PTBP3: variants seen among roughly 807,000 people sequenced by gnomAD.
PTBP3 encodes polypyrimidine tract binding protein 3, also known as polypyrimidine tract-binding protein 3.
In PTBP3, 20 loss-of-function variants were observed where a neutral mutation model predicts 58.7. The ratio of observed to expected loss-of-function variants is 0.34; its 90% CI spans 0.24 to 0.50. The LOEUF is 0.50. Ranked by LOEUF, PTBP3 falls within the 20% of genes least tolerant of loss-of-function variation. The pLI is 0.98. For missense variants in PTBP3, 509 were observed against 637.2 expected, an observed-to-expected ratio of 0.80 and a Z score of 2.17; for synonymous variants, 185 against 219.8, an observed-to-expected ratio of 0.84 and a Z score of 1.40.
At chr9:112,236,417 G>A (rs1835440019) in intron 7 of PTBP3, among the ~76,000 whole-genome samples, 1 of 152,036 alleles carries the variant, frequency 6.6e-6, no homozygotes, top group Admixed American at 6.6e-5. Flanking sequence ...TTACACACAA[G>A]CAAGCTCAAG....
In PTBP3 at chr9:112,222,184, C is replaced by G. The variant is rs914388625; in HGVS notation, c.*1667G>C. On this transcript the variant is annotated 3_prime_UTR_variant, in exon 14 of 14. Coordinates refer to ENST00000374257, the MANE Select transcript of PTBP3 (RefSeq NM_001163788.4). ...GTAAAAGGGGTAGACAAAAAAATGA[C>G]CCTTTTGACAAATTCTGCTTTAAAA... 1.0e-6 allele frequency: 1 copy of G among 985,266 alleles called. No homozygotes were observed. The highest frequency in any genetic ancestry group is 1.2e-6 in the Non-Finnish European group (1 of 829,428). The allele number at this position is 985,266 out of a possible 1,614,324, so 61.0% of individuals were successfully genotyped here.
At chr9:112,270,048 G>T (rs940741630) in intron 3 of PTBP3, among the ~76,000 whole-genome samples, 1 of 151,200 alleles carries the variant, frequency 6.6e-6, no homozygotes, top group African/African-American at 2.4e-5. Context: ...GGGTTCAAAT[G>T]ATTCTCCTGC....
intron 7 of PTBP3, among the ~76,000 whole-genome samples, chr9:112,249,552 A>G (rs910936825): frequency 2.0e-5 from 3 of 152,120 alleles, no homozygotes; most frequent in African/African-American, 4.8e-5. Context: ...CACAATATAT[A>G]AAGTGCATTG....
chr9:112,375,840 C>T, the PTBP3 span, among the ~76,000 whole-genome samples: 2 of 152,086 alleles, frequency 1.3e-5, no homozygotes, highest in East Asian at 1.9e-4. Flanking sequence ...CATAGTCAAA[C>T]GTTCAGTTTC....
the PTBP3 span, among the ~76,000 whole-genome samples, chr9:112,344,736 GA>G: frequency 7.8e-3 from 1,186 of 152,152 alleles, 20 homozygotes; most frequent in African/African-American, 0.027. Flanking sequence ...TAATGCAAAA[GA>G]AAAAAATTAA....
intron 1 of PTBP3, among the ~76,000 whole-genome samples, chr9:112,331,241 T>C (rs912861540): frequency 5.3e-5 from 8 of 152,062 alleles, no homozygotes; most frequent in African/African-American, 1.9e-4. Flanking sequence ...TGTTGGAAAA[T>C]GTAGAAATTT....
At chr9:112,235,024 T>G in intron 7 of PTBP3, 127 bp from the exon 8 acceptor site, 1 of 714,870 alleles carries the variant, frequency 1.4e-6, no homozygotes, top group Non-Finnish European at 2.2e-6. Context: ...AAAGATCTGT[T>G]CAACAAGTGA....
chr9:112,277,805 G>A (rs889386852), intron 2 of PTBP3, among the ~76,000 whole-genome samples: 2 of 151,962 alleles, frequency 1.3e-5, no homozygotes. Flanking sequence ...GAACCCAGGA[G>A]GAGGAGACTG....
chr9:112,260,300 A>G (rs1836541059), intron 5 of PTBP3, among the ~76,000 whole-genome samples: 1 of 152,258 alleles, frequency 6.6e-6, no homozygotes, highest in Admixed American at 6.5e-5. Flanking sequence ...ATAAAAAATG[A>G]GAGAGAACAT....
At chr9:112,224,281 C>A (rs1297433805) in intron 12 of PTBP3, 71 bp from the exon 13 acceptor site, 6 of 909,448 alleles carry the variant, frequency 6.6e-6, no homozygotes, top group South Asian at 1.9e-5. Flanking sequence ...CTCTTGCAAT[C>A]ATCAAATCTC....
chr9:112,376,156 GATATATATAT>G, the PTBP3 span, among the ~76,000 whole-genome samples: 2 of 116,814 alleles, frequency 1.7e-5, no homozygotes, highest in South Asian at 2.8e-4. Context: ...TTCTCTAGAG[GATATATATAT>G]ATATATATAT....
At position 112,283,820 on chromosome 9, in the gene PTBP3, G is replaced by A. The variant is rs370275569; in HGVS notation, c.35-7807C>T. ...GGCCTGGGCCCTGCTGCTCTGTGCAGCCTTGGAACTTGGTGCCCTGCATCC... is the reference window on the plus strand; with the variant it reads ...GGCCTGGGCCCTGCTGCTCTGTGCAACCTTGGAACTTGGTGCCCTGCATCC... On this transcript the variant is annotated intron_variant, in intron 2 of 13. Transcript: ENST00000374257. 9.8e-4 allele frequency among the ~76,000 whole-genome samples: 150 copies of A among 152,328 alleles called. 1 individual carries two copies. The highest frequency in any genetic ancestry group is 3.3e-3 in the African/African-American group (138 of 41,574).
chr9:112,238,036 C>T (rs1835501796), intron 7 of PTBP3, among the ~76,000 whole-genome samples: 1 of 152,112 alleles, frequency 6.6e-6, no homozygotes, highest in African/African-American at 2.4e-5. Flanking sequence ...GGAACAAACA[C>T]CTTAATCCTG....
At chr9:112,378,949 G>A in the PTBP3 span, among the ~76,000 whole-genome samples, 1 of 152,334 alleles carries the variant, frequency 6.6e-6, no homozygotes, top group East Asian at 1.9e-4. Context: ...CACTTTGGAA[G>A]GCCGAGGCGG....
At chr9:112,247,853 C>T (rs936181169) in intron 7 of PTBP3, among the ~76,000 whole-genome samples, 2 of 152,046 alleles carry the variant, frequency 1.3e-5, no homozygotes, top group Non-Finnish European at 2.9e-5. Flanking sequence ...ATCATATCTG[C>T]AACTTACTCA....
intron 1 of PTBP3, among the ~76,000 whole-genome samples, chr9:112,316,741 T>C (rs1030503580): frequency 4.8e-5 from 7 of 144,374 alleles, no homozygotes; most frequent in Non-Finnish European, 9.1e-5. Flanking sequence ...GTGAGTTAAT[T>C]AATCATTTAA....
chr9:112,314,251 T>C (rs979329724), intron 1 of PTBP3, among the ~76,000 whole-genome samples: 6 of 152,166 alleles, frequency 3.9e-5, no homozygotes, highest in Non-Finnish European at 8.8e-5. Flanking sequence ...AATGGCTACA[T>C]TAACATTAGA....
Position 112,219,327 on chromosome 9 carries a change from C to T in PTBP3, c.*4524G>A, listed in dbSNP as rs548522014. ...GGCCAGAGTATGATTTTTTTAATGGCATCAAAAAAATAGCTATTTAAATAT... is the reference window on the plus strand; with the variant it reads ...GGCCAGAGTATGATTTTTTTAATGGTATCAAAAAAATAGCTATTTAAATAT... On this transcript the variant is annotated 3_prime_UTR_variant, in exon 14 of 14. Transcript: ENST00000374257. The T allele has an allele frequency of 1.4e-4, 21 of 152,202 alleles. No homozygotes were observed. Among genetic ancestry groups the T allele is most frequent in the Admixed American group, 1.2e-3 (18 of 15,262 alleles). The allele number at this position is 152,202 out of a possible 1,614,324, so 9.4% of individuals were successfully genotyped here.
At chr9:112,351,126 T>C in the PTBP3 span, among the ~76,000 whole-genome samples, 1 of 152,220 alleles carries the variant, frequency 6.6e-6, no homozygotes, top group East Asian at 1.9e-4. Flanking sequence ...GTCCATACTT[T>C]ATTAAGATTG....
Sources: gnomAD v4.1 joint callset for allele counts (sites outside exome capture counted in the v4.1 genomes callset) on GRCh38, gnomAD v4.1.1 for gene constraint, MANE v1.5 for transcripts, NCBI Gene and HGNC (gene_info 2026-07-23, HGNC 2026-07-21) for gene names.